SCN8A: variants seen among roughly 807,000 people sequenced by gnomAD.
The protein encoded by SCN8A is sodium voltage-gated channel alpha subunit 8, also known as sodium channel protein type 8 subunit alpha.
Under a neutral mutation model 184.1 loss-of-function variants are expected in SCN8A, and 30 were observed. That is an observed-to-expected ratio of 0.16 (90% CI 0.12 to 0.22). The LOEUF (loss-of-function observed/expected upper bound fraction) is 0.22, where lower values mean the gene tolerates loss of function less well. Among genes scored for constraint, SCN8A ranks in the 10% least tolerant of loss-of-function variants. The pLI is 1.00. For missense variants in SCN8A, 1,057 were observed against 2,498.9 expected (o/e 0.42, Z 12.30); for synonymous variants, 852 against 907.0 (o/e 0.94, Z 1.09).
intron 13 of SCN8A, among the ~76,000 whole-genome samples, chr12:51,749,364 A>G (rs746747147): frequency 9.2e-5 from 14 of 152,266 alleles, no homozygotes; most frequent in Non-Finnish European, 1.9e-4. Context: ...AAACATTACA[A>G]TTGTGTCAAC....
At chr12:51,716,215 T>G (rs1256756657) in intron 11 of SCN8A, among the ~76,000 whole-genome samples, 1 of 152,138 alleles carries the variant, frequency 6.6e-6, no homozygotes, top group East Asian at 1.9e-4. Context: ...ACATACTGTG[T>G]GGTGTGGCAC....
At chr12:51,630,361 A>C (rs959820606) in intron 1 of SCN8A, among the ~76,000 whole-genome samples, 5 of 152,202 alleles carry the variant, frequency 3.3e-5, no homozygotes, top group Admixed American at 1.3e-4. Context: ...AGAATTACAC[A>C]GTATTTGTCT....
chr12:51,680,254 T>C (rs981883466), intron 2 of SCN8A, among the ~76,000 whole-genome samples: 18 of 152,344 alleles, frequency 1.2e-4, no homozygotes, highest in East Asian at 3.9e-4. Context: ...ATGAGTTTTA[T>C]TTTAAGTGCA....
chr12:51,758,898 C>T (rs1942720214), intron 14 of SCN8A, among the ~76,000 whole-genome samples: 1 of 151,960 alleles, frequency 6.6e-6, no homozygotes, highest in Admixed American at 6.5e-5. Context: ...ATTCCAAGGC[C>T]CCCAGTGGAT....
intron 11 of SCN8A, among the ~76,000 whole-genome samples, chr12:51,720,892 C>G (rs1341822168): frequency 6.6e-6 from 1 of 151,438 alleles, no homozygotes; most frequent in Non-Finnish European, 1.5e-5. Context: ...ATGGCGAAAC[C>G]CTGTCTGTAC....
At chr12:51,805,111 A>T (rs929629469) in intron 26 of SCN8A, among the ~76,000 whole-genome samples, 1 of 152,212 alleles carries the variant, frequency 6.6e-6, no homozygotes, top group Non-Finnish European at 1.5e-5. Flanking sequence ...CTGGAAAAAA[A>T]ACCTAATCAT....
chr12:51,682,645 A>T (rs1003930035), intron 2 of SCN8A, among the ~76,000 whole-genome samples: 1 of 152,232 alleles, frequency 6.6e-6, no homozygotes, highest in Non-Finnish European at 1.5e-5. Flanking sequence ...TCTTTTAAAA[A>T]AATTATGATC....
At chr12:51,722,559 C>CTTTTTTTT in intron 12 of SCN8A, 1 of 152,442 alleles carries the variant, frequency 6.6e-6, no homozygotes, top group East Asian at 1.9e-4. Flanking sequence ...CATGTGATGT[C>CTTTTTTTT]AGGGTGGGAG....
intron 1 of SCN8A, among the ~76,000 whole-genome samples, chr12:51,658,238 A>T (rs982824709): frequency 2.0e-5 from 3 of 152,118 alleles, no homozygotes; most frequent in African/African-American, 7.2e-5. Flanking sequence ...TAATTCTTGC[A>T]GTTCATGAAC....
chr12:51,691,078 GA>G (rs763336360), intron 6 of SCN8A, among the ~76,000 whole-genome samples: 62 of 152,118 alleles, frequency 4.1e-4, no homozygotes, highest in Non-Finnish European at 8.5e-4. Flanking sequence ...CTTATTTTTT[GA>G]GGCATCTGGA....
At chr12:51,611,803 A>AG (rs1939726654) in intron 1 of SCN8A, among the ~76,000 whole-genome samples, 2 of 151,904 alleles carry the variant, frequency 1.3e-5, no homozygotes, top group Admixed American at 1.3e-4. Flanking sequence ...CCTAATGTAA[A>AG]TTTTTCTATT....
chr12:51,778,828 C>T lies in SCN8A; in HGVS notation c.3820-1821C>T, dbSNP rs1937795266. ...TTAAAATATCATCAATTTAAGTAAG[C>T]TAAGCTGATATGCAACCACCACTTC... On this transcript the variant is annotated intron_variant, in intron 20 of 26. Transcript: ENST00000627620. Among the ~76,000 whole-genome samples the T allele has an allele frequency of 1.3e-5, 2 of 151,940 alleles. 1 individual carries two copies. Among genetic ancestry groups the T allele is most frequent in the Admixed American group, 1.3e-4 (2 of 15,260 alleles).
intron 13 of SCN8A, among the ~76,000 whole-genome samples, chr12:51,750,806 C>G (rs149008995): frequency 1.2e-3 from 184 of 152,266 alleles, no homozygotes; most frequent in African/African-American, 4.2e-3. Context: ...TCAAATATGT[C>G]TGGCTTGAGT....
intron 25 of SCN8A, 51 bp downstream of exon 25, chr12:51,790,553 G>A: frequency 8.1e-7 from 1 of 1,239,780 alleles, no homozygotes; most frequent in East Asian, 2.4e-5. Flanking sequence ...TATAGGAAAA[G>A]TACTAGTAGA....
intron 3 of SCN8A, among the ~76,000 whole-genome samples, chr12:51,686,027 A>G (rs1941413552): frequency 6.6e-6 from 1 of 152,246 alleles, no homozygotes; most frequent in Non-Finnish European, 1.5e-5. Flanking sequence ...GAGAAAGTGC[A>G]AAGGTATTAT....
At chr12:51,650,552 C>A (rs1330107061) in intron 1 of SCN8A, among the ~76,000 whole-genome samples, 1 of 144,934 alleles carries the variant, frequency 6.9e-6, no homozygotes, top group Non-Finnish European at 1.5e-5. Context: ...CACTGTCGCC[C>A]AAGCTGCAGT....
rs191537222 is a variant in SCN8A at position 51,671,296 on chromosome 12, C to T, written c.276+8203C>T. Among the ~76,000 whole-genome samples the T allele has an allele frequency of 2.4e-4, 36 of 152,254 alleles. 1 individual carries two copies. In the East Asian group the frequency reaches 4.2e-3, roughly 18 times the overall value. On this transcript the variant is annotated intron_variant, in intron 2 of 26. Transcript: ENST00000627620. ...CCCAGCATTTTCTCCAGGTTTAACT[C>T]GGGTTAGATATGGAGGGTACCTGTG...
At chr12:51,759,063 A>G (rs1477542085) in intron 14 of SCN8A, among the ~76,000 whole-genome samples, 5 of 151,990 alleles carry the variant, frequency 3.3e-5, no homozygotes, top group African/African-American at 1.2e-4. Flanking sequence ...ATTTTGGTCA[A>G]TGACAGACTG....
intron 1 of SCN8A, among the ~76,000 whole-genome samples, chr12:51,631,841 G>T (rs955302693): frequency 1.3e-5 from 2 of 152,172 alleles, no homozygotes; most frequent in Non-Finnish European, 2.9e-5. Flanking sequence ...TTGGTGGCAA[G>T]GTGGGAGAGA....
Sources: allele counts gnomAD v4.1 joint callset (sites outside exome capture counted in the v4.1 genomes callset), GRCh38; gene constraint gnomAD v4.1.1; transcripts MANE v1.5; gene names NCBI Gene and HGNC (gene_info 2026-07-23, HGNC 2026-07-21).